TMEM94: variants seen among roughly 807,000 people sequenced by gnomAD.
TMEM94 encodes the protein ER Mg2+ ATPase.
Under a neutral mutation model 158.6 loss-of-function variants are expected in TMEM94, and 81 were observed. The observed-to-expected ratio is 0.51, with a 90% CI of 0.43 to 0.61. TMEM94 has a LOEUF of 0.61. Ranked by LOEUF, TMEM94 falls within the 20% of genes least tolerant of loss-of-function variation. The pLI is 0.00. For missense variants in TMEM94, 1,435 were observed against 1,762.0 expected (o/e 0.81, Z 3.32); for synonymous variants, 751 against 730.7 (o/e 1.03, Z -0.45).
chr17:75,490,781 C>T (rs1357846237), intron 11 of TMEM94, 23 bp downstream of exon 11: 1 of 1,606,702 alleles, frequency 6.2e-7, no homozygotes, highest in South Asian at 1.1e-5. Context: ...CCCGGGATGG[C>T]TTCTCTCGCA....
At position 75,498,588 on chromosome 17, in the gene TMEM94, A is replaced by G; in HGVS notation, c.3734-41A>G. 6.2e-7 allele frequency: 1 copy of G among 1,612,906 alleles called. No individual in the cohort carries two copies. The highest frequency in any genetic ancestry group is 1.3e-5 in the African/African-American group (1 of 74,990). ...TGGATGATGGTGGGAGAGGAGCCCCACTGTGGAAGTCTGACCCCCACATCG... is the reference window on the plus strand; with the variant it reads ...TGGATGATGGTGGGAGAGGAGCCCCGCTGTGGAAGTCTGACCCCCACATCG... On this transcript the variant is annotated intron_variant, in intron 29 of 31. Coordinates refer to ENST00000314256, the MANE Select transcript of TMEM94 (RefSeq NM_014738.6). This position sits in a 1 kb window ranked among gnomAD's most constrained non-coding sequence, Gnocchi z 6.7.
intron 2 of TMEM94, among the ~76,000 whole-genome samples, chr17:75,482,524 A>ATATATATG (rs1032988776): frequency 1.4e-5 from 2 of 145,092 alleles, no homozygotes; most frequent in Non-Finnish European, 3.0e-5. Flanking sequence ...AAATATATAT[A>ATATATATG]TATGTATGTA....
chr17:75,462,005 TG>T (rs200262143), intron 1 of TMEM94, among the ~76,000 whole-genome samples: 1,283 of 106,992 alleles, frequency 0.012, 96 homozygotes, highest in African/African-American at 0.038. Flanking sequence ...TGTTTTGTTT[TG>T]TTTTGTTTTT....
At position 75,498,887 on chromosome 17, in the gene TMEM94, C is replaced by A; in HGVS notation, c.3828-25C>A. 1 of 1,532,172 alleles carries A rather than the reference C, an allele frequency of 6.5e-7. No homozygotes were observed. The highest frequency in any genetic ancestry group is 1.3e-5 in the South Asian group (1 of 79,898). The allele number at this position is 1,532,172 out of a possible 1,614,324, so 94.9% of individuals were successfully genotyped here. A position where few individuals can be genotyped will look rare whatever the true frequency, so the allele number is the denominator to read the frequency against. On this transcript the variant is annotated intron_variant, in intron 30 of 31. Coordinates refer to ENST00000314256, the MANE Select transcript of TMEM94 (RefSeq NM_014738.6). This position sits in a 1 kb window ranked among gnomAD's most constrained non-coding sequence, Gnocchi z 6.7. ...GGAAGGAAGCAAGCAGTGTCGGGTT[C>A]ACACGGGGCCGCCACCTCCTGCAGG...
chr17:75,496,762 C>T lies in TMEM94; in HGVS notation c.3276C>T (p.Cys1092=), dbSNP rs1212709762. 1 of 1,613,944 alleles carries T rather than the reference C, an allele frequency of 6.2e-7. No homozygotes were observed. Among genetic ancestry groups the T allele is most frequent in the Admixed American group, 1.7e-5 (1 of 60,036 alleles). The change falls in exon 25 of 32, where the codon TGC becomes TGT. Residue 1092 remains cysteine (C), a synonymous_variant. Transcript: ENST00000314256. ...ATGCCACCTATGGCATCCGTAAGTG[C>T]TTCCTCTTCCTGCTGCAGTGCCAGC... ...ARHATYGIRK[C]FLFLLQCQLT...
At position 75,489,602 on chromosome 17, in the gene TMEM94, G is replaced by C. The variant is rs1170322479; in HGVS notation, c.894G>C (p.Leu298=). The change falls in exon 9 of 32, where the codon CTG becomes CTC. Residue 298 remains leucine, a synonymous_variant. Transcript: ENST00000314256. This position sits in a 1 kb window ranked among gnomAD's most constrained non-coding sequence, Gnocchi z 5.0. ...CCGGCTTCCTCATCACCAATGCCCT[G>C]CGCTTCATCTTCAGTGCCCCGGGGG... ...VLAGFLITNA[L]RFIFSAPGVT... The C allele has an allele frequency of 6.2e-7, 1 of 1,613,954 alleles. No individual in the cohort carries two copies. The highest frequency in any genetic ancestry group is 1.3e-5 in the African/African-American group (1 of 74,902).
At position 75,495,065 on chromosome 17, in the gene TMEM94, G is replaced by A; in HGVS notation, c.2728+31G>A. On this transcript the variant is annotated intron_variant, in intron 20 of 31. Transcript: ENST00000314256. The surrounding 1 kb of genome is among the most constrained non-coding windows in gnomAD (Gnocchi z 5.6). The stretch of plus-strand genomic sequence containing the variant: ...GGCAAAGGCGTGGGGTGGGGACGGG[G>A]TGGCGGTGGGAGGATTCCCCTCCTC... The A allele has an allele frequency of 6.3e-7, 1 of 1,598,182 alleles. No individual in the cohort carries two copies. Among genetic ancestry groups the A allele is most frequent in the Middle Eastern group, 1.8e-4 (1 of 5,466 alleles).
chr17:75,468,962 C>G (rs2050401225), intron 1 of TMEM94, among the ~76,000 whole-genome samples: 1 of 152,150 alleles, frequency 6.6e-6, no homozygotes, highest in South Asian at 2.1e-4. Context: ...ACTCTTTACT[C>G]AAACACACCC....
chr17:75,476,698 T>C, intron 2 of TMEM94: 1 of 1,535,730 alleles, frequency 6.5e-7, no homozygotes, highest in Non-Finnish European at 8.7e-7. Flanking sequence ...CCATGCTCTT[T>C]AAGCAGGCAG....
chr17:75,483,542 C>T (rs2146502481), intron 2 of TMEM94, among the ~76,000 whole-genome samples: 1 of 151,386 alleles, frequency 6.6e-6, no homozygotes, highest in South Asian at 2.1e-4. Flanking sequence ...CTCACTGCAA[C>T]CTCTGCCTCC....
rs1337420975 is a variant in TMEM94 at position 75,485,826 on chromosome 17, G to C, written c.145-45G>C. On this transcript the variant is annotated intron_variant, in intron 3 of 31. Transcript: ENST00000314256. This position sits in a 1 kb window ranked among gnomAD's most constrained non-coding sequence, Gnocchi z 5.5. ...TGCCGGGGGAGGCAGCCAGATTGGA[G>C]TGGGACAGGCCTCTCATTGTCCCCT... 2 of 1,567,488 alleles carry C rather than the reference G, an allele frequency of 1.3e-6. No individual in the cohort carries two copies. Among genetic ancestry groups the C allele is most frequent in the East Asian group, 2.3e-5 (1 of 43,952 alleles).
rs1038246593 is a variant in TMEM94 at position 75,485,642 on chromosome 17, G to C, written c.144+95G>C. 2 of 1,540,658 alleles carry C rather than the reference G, an allele frequency of 1.3e-6. No homozygotes were observed. The highest frequency in any genetic ancestry group is 1.8e-6 in the Non-Finnish European group (2 of 1,122,828). On this transcript the variant is annotated intron_variant, in intron 3 of 31. Coordinates refer to ENST00000314256, the MANE Select transcript of TMEM94 (RefSeq NM_014738.6). This position sits in a 1 kb window ranked among gnomAD's most constrained non-coding sequence, Gnocchi z 5.5. Reference sequence around the variant, plus strand: ...GGACTCTGATGTACCCTGTCACCCTGGACAGTGTGACCCAACTGAGGCCTC... The same window carrying C: ...GGACTCTGATGTACCCTGTCACCCTCGACAGTGTGACCCAACTGAGGCCTC...
chr17:75,498,698 G>A lies in TMEM94; in HGVS notation c.3803G>A (p.Trp1268Ter). Residue 1268 changes from tryptophan (W) to a stop codon, truncating the protein, a stop_gained, in exon 30 of 32, where the codon TGG becomes TAG. Coordinates refer to ENST00000314256, the MANE Select transcript of TMEM94 (RefSeq NM_014738.6). LOFTEE classifies it high-confidence loss of function. This position sits in a 1 kb window ranked among gnomAD's most constrained non-coding sequence, Gnocchi z 6.7. ...AGAAAGAGCCCCTTGACCAACCTCT[G>A]GTGGGCCGTGACAGTGCCTGTGGTG... is the stretch of plus-strand genomic sequence containing the variant. ...LWRKSPLTNL[W>*]WAVTVPVVLL... is the part of the protein sequence containing the mutation. 6.3e-7 allele frequency: 1 copy of A among 1,577,942 alleles called. No homozygotes were observed. Among genetic ancestry groups the A allele is most frequent in the Admixed American group, 1.8e-5 (1 of 56,602 alleles).
In TMEM94 at chr17:75,493,114, C is replaced by T. The variant is rs777271955; in HGVS notation, c.2086+12C>T. 15 of 1,611,016 alleles carry T rather than the reference C, an allele frequency of 9.3e-6. No individual in the cohort carries two copies. In the Middle Eastern group the frequency reaches 6.6e-4, roughly 71 times the overall value. On this transcript the variant is annotated intron_variant, in intron 16 of 31. Transcript: ENST00000314256. ...AGACACCACCACCAGTGAGCCCTGG[C>T]TACGTTGGCCAGCACCAGGCGAGAC...
chr17:75,472,043 G>A, intron 2 of TMEM94, 114 bp downstream of exon 2: 1 of 1,027,948 alleles, frequency 9.7e-7, no homozygotes, highest in Non-Finnish European at 1.5e-6. Flanking sequence ...AAAGTTGAGA[G>A]AGGAGGCAAG....
At position 75,488,793 on chromosome 17, in the gene TMEM94, T is replaced by C. The variant is rs1387473050; in HGVS notation, c.647T>C (p.Leu216Pro). 3 of 1,613,638 alleles carry C rather than the reference T, an allele frequency of 1.9e-6. No individual in the cohort carries two copies. The highest frequency in any genetic ancestry group is 2.5e-6 in the Non-Finnish European group (3 of 1,179,880). Residue 216 changes from leucine (L) to proline (P), a missense_variant, in exon 7 of 32, where the codon CTC becomes CCC. Around this residue, in one of 3 missense-constraint regions of TMEM94, gnomAD observed 1,051 missense variants for 1,254.4 expected, o/e 0.84. Transcript: ENST00000314256. ...CACATCGTCCTGGAGCCGGGAGACC[T>C]CTTCCCCCCCTTCTCCCCTCCACCC... is the stretch of plus-strand genomic sequence containing the variant. ...DEHIVLEPGD[L>P]FPPFSPPPSP... is the part of the protein sequence containing the mutation.
rs2052880334 is a variant in TMEM94 at position 75,497,869 on chromosome 17, A to G, written c.3489+7A>G. 3.7e-6 allele frequency: 6 copies of G among 1,611,346 alleles called. No homozygotes were observed. Among genetic ancestry groups the G allele is most frequent in the Non-Finnish European group, 4.2e-6 (5 of 1,177,654 alleles). ...CCAGTCCATTCCCAAGAAGGTAAGC[A>G]AAACAGACCCTGTGAGCCTTGCAAG... On this transcript the variant is annotated splice_region_variant and intron_variant, in intron 27 of 31. Transcript: ENST00000314256.
At position 75,496,069 on chromosome 17, in the gene TMEM94, C is replaced by T. The variant is rs2052648847; in HGVS notation, c.3048C>T (p.Asp1016=). 1.2e-6 allele frequency: 2 copies of T among 1,610,012 alleles called. No individual in the cohort carries two copies. The highest frequency in any genetic ancestry group is 1.1e-5 in the South Asian group (1 of 90,592). Residue 1016 remains aspartate (D), a synonymous_variant, in exon 23 of 32, where the codon GAC becomes GAT. Coordinates refer to ENST00000314256, the MANE Select transcript of TMEM94 (RefSeq NM_014738.6). ...LRNSCLFLQS[D]ISIALDPLYP... Reference sequence around the variant, plus strand: ...ACAGCTGCCTCTTCCTCCAGAGCGACATCAGGTCAGGGCGGGACCCTGGAG... The same window carrying T: ...ACAGCTGCCTCTTCCTCCAGAGCGATATCAGGTCAGGGCGGGACCCTGGAG...
At position 75,471,888 on chromosome 17, in the gene TMEM94, C is replaced by G. The variant is rs771387092; in HGVS notation, c.-18C>G. The G allele has an allele frequency of 2.5e-6, 4 of 1,613,878 alleles. No homozygotes were observed. The South Asian group carries it at 4.4e-5, about 18-fold the overall frequency. On this transcript the variant is annotated 5_prime_UTR_variant, in exon 2 of 32. Transcript: ENST00000314256. The stretch of plus-strand genomic sequence containing the variant: ...GGTGACCACATTCATCTGGGCATGC[C>G]TGCAGTACTCTTGGCCCATGGACCT...
Sources: allele counts gnomAD v4.1 joint callset (sites outside exome capture counted in the v4.1 genomes callset), GRCh38; gene constraint gnomAD v4.1.1; regional missense constraint gnomAD v4.1.1; non-coding constraint Gnocchi (gnomAD v3.1); transcripts MANE v1.5; gene names NCBI Gene and HGNC (gene_info 2026-07-23, HGNC 2026-07-21).